The following EPHB1 variants were observed in gnomAD, a reference collection of about 807,000 sequenced individuals.
EPHB1 encodes ephrin type-B receptor 1.
In EPHB1, 30 loss-of-function variants were observed where a neutral mutation model predicts 94.4. That is an observed-to-expected ratio of 0.32 (90% CI 0.24 to 0.43). The LOEUF is 0.43. Ranked by LOEUF, EPHB1 falls within the 20% of genes least tolerant of loss-of-function variation. The probability of loss-of-function intolerance (pLI) is 1.00; values close to 1 mark genes in which losing one functional copy is unlikely to be tolerated. For synonymous variants in EPHB1, 522 were observed against 489.1 expected (o/e 1.07, Z -0.89); for missense variants, 1,055 against 1,308.3 (o/e 0.81, Z 2.99).
chr3:134,805,996 A>C (rs888907653), intron 1 of EPHB1, among the ~76,000 whole-genome samples: 1 of 152,190 alleles, frequency 6.6e-6, no homozygotes, highest in Non-Finnish European at 1.5e-5. Context: ...TCCCCAGCAC[A>C]TAGCACCCCC....
intron 4 of EPHB1, among the ~76,000 whole-genome samples, chr3:135,128,568 A>G (rs1007175079): frequency 7.2e-5 from 11 of 152,154 alleles, no homozygotes; most frequent in African/African-American, 2.7e-4. Context: ...GCCTCATGGG[A>G]ATAAGAGACA....
chr3:134,870,797 G>A (rs770600610), intron 1 of EPHB1, among the ~76,000 whole-genome samples: 1 of 152,240 alleles, frequency 6.6e-6, no homozygotes, highest in Non-Finnish European at 1.5e-5. Flanking sequence ...CCAGTACAGA[G>A]TAAGTACTTA....
chr3:134,840,547 C>T (rs1306414601), intron 1 of EPHB1: 2 of 152,162 alleles, frequency 1.3e-5, no homozygotes, highest in East Asian at 3.8e-4. Context: ...ATGCCCTAAT[C>T]CTTTAAAAAT....
At chr3:134,965,477 A>G (rs1933703115) in intron 3 of EPHB1, among the ~76,000 whole-genome samples, 1 of 152,140 alleles carries the variant, frequency 6.6e-6, no homozygotes. Flanking sequence ...TGGTAGGAGG[A>G]CTGCTTCAGC....
intron 1 of EPHB1, among the ~76,000 whole-genome samples, chr3:134,818,744 A>G (rs1238507417): frequency 6.6e-6 from 1 of 152,202 alleles, no homozygotes; most frequent in Non-Finnish European, 1.5e-5. Context: ...TATATACTAT[A>G]TATCTATCAC....
Position 134,848,339 on chromosome 3 carries a change from C to T in EPHB1, c.58+52650C>T, listed in dbSNP as rs540649487. Among the ~76,000 whole-genome samples the T allele has an allele frequency of 6.5e-4, 99 of 152,260 alleles. 1 individual carries two copies. The highest frequency in any genetic ancestry group is 2.7e-3 in the Admixed American group (41 of 15,302). ...TAAAAAATAAGTTAAATTTGGATAA[C>T]AGAGCAATTTTAATAAACATTTTAC... On this transcript the variant is annotated intron_variant, in intron 1 of 15. Coordinates refer to ENST00000398015, the MANE Select transcript of EPHB1 (RefSeq NM_004441.5).
At chr3:135,133,676 G>GA (rs3836284) in intron 5 of EPHB1, among the ~76,000 whole-genome samples, 64,891 of 152,070 alleles carry the variant, frequency 0.43, 15,180 homozygotes, top group East Asian at 0.81. Context: ...ACCTCAGATA[G>GA]ATGGCAATAG....
chr3:135,005,651 A>G (rs1222774855), intron 3 of EPHB1, among the ~76,000 whole-genome samples: 4 of 152,170 alleles, frequency 2.6e-5, no homozygotes, highest in Non-Finnish European at 5.9e-5. Context: ...TGCGGGATAT[A>G]ATCTCCTGGT....
intron 1 of EPHB1, among the ~76,000 whole-genome samples, chr3:134,831,236 T>C (rs2108293457): frequency 6.6e-6 from 1 of 152,248 alleles, no homozygotes; most frequent in Middle Eastern, 3.4e-3. Context: ...CTCTAACCTG[T>C]CCTGGAGCAG....
At chr3:135,079,477 G>A (rs1002591356) in intron 3 of EPHB1, among the ~76,000 whole-genome samples, 1 of 152,170 alleles carries the variant, frequency 6.6e-6, no homozygotes, top group Admixed American at 6.5e-5. Flanking sequence ...TCTGCCTGCT[G>A]TTGCTGCCAC....
In EPHB1 at chr3:134,821,897, G is replaced by A. The variant is rs538122363; in HGVS notation, c.58+26208G>A. Among the ~76,000 whole-genome samples, 12 of 152,270 alleles carry A rather than the reference G, an allele frequency of 7.9e-5. No individual in the cohort carries two copies. In the South Asian group the frequency reaches 2.3e-3, roughly 29 times the overall value. ...GTCTAGTTGTGGGGGAAAAGAGATCGGGGAGGTCAGAGCTTGAGGTCACAC... is the reference window on the plus strand; with the variant it reads ...GTCTAGTTGTGGGGGAAAAGAGATCAGGGAGGTCAGAGCTTGAGGTCACAC... On this transcript the variant is annotated intron_variant, in intron 1 of 15. Transcript: ENST00000398015.
chr3:134,941,164 GT>G (rs1359531711), intron 2 of EPHB1, among the ~76,000 whole-genome samples: 2 of 152,240 alleles, frequency 1.3e-5, no homozygotes, highest in African/African-American at 4.8e-5. Flanking sequence ...CATTGCATCA[GT>G]CCAGGGAGGG....
At chr3:134,915,639 T>C (rs1432254823) in intron 1 of EPHB1, among the ~76,000 whole-genome samples, 1 of 152,048 alleles carries the variant, frequency 6.6e-6, no homozygotes, top group African/African-American at 2.4e-5. Context: ...GTGTTCAGAG[T>C]TTCTTACTTC....
chr3:135,241,331 C>T, intron 13 of EPHB1, 34 bp downstream of exon 13: 1 of 1,612,136 alleles, frequency 6.2e-7, no homozygotes, highest in Admixed American at 1.7e-5. Flanking sequence ...ACCACAAACC[C>T]CCATTGAAGG....
At chr3:135,138,013 T>C (rs373586957) in intron 5 of EPHB1, among the ~76,000 whole-genome samples, 34 of 152,344 alleles carry the variant, frequency 2.2e-4, no homozygotes, top group African/African-American at 7.5e-4. Context: ...GTACCTGCCA[T>C]TGGATGATTC....
chr3:134,879,107 C>A (rs1187816887), intron 1 of EPHB1, among the ~76,000 whole-genome samples: 1 of 152,144 alleles, frequency 6.6e-6, no homozygotes, highest in East Asian at 1.9e-4. Flanking sequence ...GCCTGACTCC[C>A]TTCCTGCACC....
intron 4 of EPHB1, among the ~76,000 whole-genome samples, chr3:135,126,500 A>C (rs548802825): frequency 6.6e-6 from 1 of 152,310 alleles, no homozygotes; most frequent in African/African-American, 2.4e-5. Context: ...GGAAGCAGAG[A>C]TACAGGTACA....
At chr3:135,108,953 A>C (rs1939332939) in intron 4 of EPHB1, among the ~76,000 whole-genome samples, 1 of 152,180 alleles carries the variant, frequency 6.6e-6, no homozygotes, top group African/African-American at 2.4e-5. Context: ...GAGTTACTGA[A>C]GGGCTACTGA....
chr3:135,180,025 A>G (rs750161831), intron 10 of EPHB1, 43 bp downstream of exon 10: 4 of 1,610,784 alleles, frequency 2.5e-6, no homozygotes, highest in South Asian at 2.2e-5. Context: ...CTGGTGTCCA[A>G]ACATCTTCTT....
Sources: allele counts gnomAD v4.1 joint callset (sites outside exome capture counted in the v4.1 genomes callset), GRCh38; gene constraint gnomAD v4.1.1; transcripts MANE v1.5; gene names NCBI Gene and HGNC (gene_info 2026-07-23, HGNC 2026-07-21).